The following LRRTM4 variants were observed in gnomAD, a reference collection of about 807,000 sequenced individuals.
LRRTM4 encodes the protein leucine-rich repeat transmembrane neuronal protein 4.
In LRRTM4, 25 loss-of-function variants were observed where a neutral mutation model predicts 47.6. The ratio of observed to expected loss-of-function variants is 0.53; its 90% CI spans 0.38 to 0.73. The LOEUF (loss-of-function observed/expected upper bound fraction) is 0.73, where lower values mean the gene tolerates loss of function less well. LRRTM4 is among the 30% of genes least tolerant of loss of function. The pLI is 0.00. For missense variants in LRRTM4, 638 were observed against 713.4 expected, an observed-to-expected ratio of 0.89 and a Z score of 1.20; for synonymous variants, 311 against 269.5, an observed-to-expected ratio of 1.15 and a Z score of -1.51.
In LRRTM4 at chr2:77,212,000, C is replaced by T. The variant is rs185753364; in HGVS notation, c.1551+306318G>A. Among the ~76,000 whole-genome samples, 5 of 151,968 alleles carry T rather than the reference C, an allele frequency of 3.3e-5. No individual in the cohort carries two copies. The East Asian group carries it at 9.7e-4, about 29-fold the overall frequency. On this transcript the variant is annotated intron_variant, in intron 3 of 3. Transcript: ENST00000409884. ...AACAATGAGTAATATGTGTGTTAGT[C>T]CCAATGGCACCTGAGCATGTTATGC...
chr2:77,001,588 T>C (rs13429893), intron 3 of LRRTM4, among the ~76,000 whole-genome samples: 12,356 of 152,126 alleles, frequency 0.081, 1,604 homozygotes, highest in African/African-American at 0.27. Flanking sequence ...GGCACCACCC[T>C]AGAGTTCTGT....
At chr2:76,806,411 G>A (rs534949459) in intron 3 of LRRTM4, among the ~76,000 whole-genome samples, 5 of 152,048 alleles carry the variant, frequency 3.3e-5, no homozygotes, top group East Asian at 1.9e-4. Context: ...GTGAAACCCC[G>A]TCTCTACTAA....
intron 3 of LRRTM4, among the ~76,000 whole-genome samples, chr2:77,141,258 G>A (rs1672113235): frequency 6.6e-6 from 1 of 152,172 alleles, no homozygotes. Context: ...TTAAGAAAAT[G>A]TGGCATATAT....
intron 3 of LRRTM4, among the ~76,000 whole-genome samples, chr2:77,367,013 C>T (rs1364775764): frequency 6.6e-6 from 1 of 151,798 alleles, no homozygotes; most frequent in Non-Finnish European, 1.5e-5. Context: ...TCTCTTCTTT[C>T]TCCATCCCTG....
At chr2:77,071,830 G>A (rs1680163703) in intron 3 of LRRTM4, among the ~76,000 whole-genome samples, 1 of 152,074 alleles carries the variant, frequency 6.6e-6, no homozygotes, top group Admixed American at 6.6e-5. Context: ...CTTCAAACAG[G>A]ATCCAAAACC....
intron 3 of LRRTM4, among the ~76,000 whole-genome samples, chr2:76,779,429 A>T (rs1268728532): frequency 6.7e-6 from 1 of 149,332 alleles, no homozygotes; most frequent in Admixed American, 6.7e-5. Flanking sequence ...GACTTGCTTT[A>T]TGAATCTGGG....
intron 3 of LRRTM4, among the ~76,000 whole-genome samples, chr2:76,771,783 C>T (rs995493324): frequency 5.9e-5 from 9 of 152,096 alleles, no homozygotes; most frequent in African/African-American, 2.2e-4. Flanking sequence ...CCTTCCTTTG[C>T]CTCTAATGCT....
chr2:77,358,395 C>T (rs1353595895), intron 3 of LRRTM4, among the ~76,000 whole-genome samples: 2 of 151,998 alleles, frequency 1.3e-5, no homozygotes, highest in Non-Finnish European at 1.5e-5. Flanking sequence ...TCCTGCCATC[C>T]GCAACCAACC....
chr2:77,423,004 A>G (rs554170639), intron 3 of LRRTM4, among the ~76,000 whole-genome samples: 52 of 152,120 alleles, frequency 3.4e-4, no homozygotes, highest in Non-Finnish European at 6.6e-4. Context: ...ACTTGACACA[A>G]ACCTTAGGAT....
chr2:77,358,366 G>A (rs1672050527), intron 3 of LRRTM4, among the ~76,000 whole-genome samples: 1 of 152,108 alleles, frequency 6.6e-6, no homozygotes, highest in Non-Finnish European at 1.5e-5. Flanking sequence ...GCGGGAACTA[G>A]TCCATTCTCT....
intron 3 of LRRTM4, among the ~76,000 whole-genome samples, chr2:77,082,487 G>A (rs573083325): frequency 6.6e-6 from 1 of 152,108 alleles, no homozygotes; most frequent in East Asian, 1.9e-4. Context: ...TTCTGCTGTT[G>A]AGGACAAATT....
chr2:77,254,969 T>C (rs114927185), intron 3 of LRRTM4, among the ~76,000 whole-genome samples: 129 of 150,494 alleles, frequency 8.6e-4, no homozygotes, highest in Non-Finnish European at 1.4e-3. Flanking sequence ...GTAAATAATC[T>C]AAATAAAACA....
intron 3 of LRRTM4, among the ~76,000 whole-genome samples, chr2:76,895,883 C>CT (rs1342036556): frequency 6.6e-6 from 1 of 151,944 alleles, no homozygotes; most frequent in East Asian, 1.9e-4. Context: ...TTCTTTTTCT[C>CT]TTTTCAATAA....
At position 77,054,088 on chromosome 2, in the gene LRRTM4, G is replaced by A. The variant is rs996363008; in HGVS notation, c.1552-305172C>T. Among the ~76,000 whole-genome samples, 14 of 152,118 alleles carry A rather than the reference G, an allele frequency of 9.2e-5. 1 individual carries two copies. In the East Asian group the frequency reaches 1.7e-3, roughly 19 times the overall value. ...GAATAGTCTCTAGTTTCAAGATATT[G>A]TCTCAGATTTTTCGTCCAAAACATG... On this transcript the variant is annotated intron_variant, in intron 3 of 3. Coordinates refer to ENST00000409884, the MANE Select transcript of LRRTM4 (RefSeq NM_001134745.3).
intron 3 of LRRTM4, among the ~76,000 whole-genome samples, chr2:76,896,129 G>A (rs1217595069): frequency 6.6e-6 from 1 of 151,864 alleles, no homozygotes; most frequent in Admixed American, 6.6e-5. Context: ...TATTCCTTAT[G>A]GGAAAATTTC....
chr2:76,793,279 A>G (rs1034370116), intron 3 of LRRTM4, among the ~76,000 whole-genome samples: 5 of 152,130 alleles, frequency 3.3e-5, no homozygotes, highest in African/African-American at 1.2e-4. Flanking sequence ...GTGTTTAGAT[A>G]CCAAGGGTGT....
At chr2:76,845,437 A>G (rs1171396278) in intron 3 of LRRTM4, among the ~76,000 whole-genome samples, 1 of 152,064 alleles carries the variant, frequency 6.6e-6, no homozygotes, top group African/African-American at 2.4e-5. Context: ...GGTTGAAGTG[A>G]GGGGAGATCT....
At position 77,472,612 on chromosome 2, in the gene LRRTM4, T is replaced by G. The variant is rs186341066; in HGVS notation, c.1551+45706A>C. On this transcript the variant is annotated intron_variant, in intron 3 of 3. Transcript: ENST00000409884. ...TACCAAGAATGTAGCAGATGCCCAG[T>G]AGTAATCCTACATTATTATATCAAT... 2.1e-4 allele frequency among the ~76,000 whole-genome samples: 32 copies of G among 152,222 alleles called. 1 individual carries two copies. Among genetic ancestry groups the G allele is most frequent in the Admixed American group, 1.9e-3 (29 of 15,270 alleles).
chr2:76,869,390 T>A (rs1030126523), intron 3 of LRRTM4, among the ~76,000 whole-genome samples: 1 of 152,130 alleles, frequency 6.6e-6, no homozygotes, highest in African/African-American at 2.4e-5. Flanking sequence ...GTCTTTCAGA[T>A]TGTACAACAG....
Sources: allele counts gnomAD v4.1 joint callset (sites outside exome capture counted in the v4.1 genomes callset), GRCh38; gene constraint gnomAD v4.1.1; transcripts MANE v1.5; gene names NCBI Gene and HGNC (gene_info 2026-07-23, HGNC 2026-07-21).